The following EXOC4 variants were observed in gnomAD, a reference collection of about 807,000 sequenced individuals.
EXOC4 encodes the protein SEC8-like 1.
Under a neutral mutation model 107.2 loss-of-function variants are expected in EXOC4, and 71 were observed. The ratio of observed to expected loss-of-function variants is 0.66; its 90% confidence interval spans 0.55 to 0.81. EXOC4 has a LOEUF of 0.81. EXOC4 is among the 30% of genes least tolerant of loss of function. EXOC4 has a pLI of 0.00. For synonymous variants in EXOC4, 456 were observed against 441.2 expected, an observed-to-expected ratio of 1.03 and a Z score of -0.42; for missense variants, 1,108 against 1,189.6, an observed-to-expected ratio of 0.93 and a Z score of 1.01.
At chr7:133,719,964 A>G (rs188426279) in intron 10 of EXOC4, among the ~76,000 whole-genome samples, 5 of 152,276 alleles carry the variant, frequency 3.3e-5, no homozygotes, top group Admixed American at 3.3e-4. Flanking sequence ...GTTCAGATTC[A>G]TTGGACCTTA....
intron 9 of EXOC4, among the ~76,000 whole-genome samples, chr7:133,503,288 A>G (rs1471691685): frequency 6.6e-6 from 1 of 152,162 alleles, no homozygotes; most frequent in African/African-American, 2.4e-5. Flanking sequence ...TTTAAAAAAC[A>G]TCTTCATAAG....
intron 11 of EXOC4, among the ~76,000 whole-genome samples, chr7:133,821,653 A>G (rs1797523917): frequency 6.6e-6 from 1 of 152,196 alleles, no homozygotes. Context: ...GGCTCTCCAT[A>G]GTTAGAGAAG....
chr7:133,783,048 G>T (rs1412130393), intron 10 of EXOC4, among the ~76,000 whole-genome samples: 1 of 152,094 alleles, frequency 6.6e-6, no homozygotes, highest in Non-Finnish European at 1.5e-5. Context: ...TCTTTAAAAT[G>T]GGGAAAATGG....
At chr7:133,811,334 A>C (rs1237412991) in intron 10 of EXOC4, among the ~76,000 whole-genome samples, 1 of 152,184 alleles carries the variant, frequency 6.6e-6, no homozygotes, top group Non-Finnish European at 1.5e-5. Context: ...TCATACTTCC[A>C]TAGAGCTAAT....
chr7:133,347,737 ATG>A lies in EXOC4; in HGVS notation c.764-8579_764-8578del, dbSNP rs144171871. 7.3e-5 allele frequency among the ~76,000 whole-genome samples: 11 copies of A among 151,482 alleles called. No homozygotes were observed. The East Asian group carries it at 1.4e-3, about 19-fold the overall frequency. ...CAATATATCCATATCTATACATACA[ATG>A]TGTGTGTGTGTGTAGGGGGCTGTGA... is the stretch of plus-strand genomic sequence containing the variant. On this transcript the variant is annotated intron_variant, in intron 5 of 17. Transcript: ENST00000253861.
At chr7:133,904,137 G>A (rs1799516261) in intron 12 of EXOC4, among the ~76,000 whole-genome samples, 2 of 152,156 alleles carry the variant, frequency 1.3e-5, no homozygotes, top group Admixed American at 1.3e-4. Flanking sequence ...GAGAAATGAG[G>A]TCACAGGAAG....
At chr7:133,818,611 C>A (rs1318751266) in intron 11 of EXOC4, among the ~76,000 whole-genome samples, 1 of 152,162 alleles carries the variant, frequency 6.6e-6, no homozygotes, top group Non-Finnish European at 1.5e-5. Flanking sequence ...TAGCCATGTG[C>A]CTGGTGAGGG....
rs186341983 is a variant in EXOC4 at position 133,761,240 on chromosome 7, A to G, written c.1515-56085A>G. 4.2e-3 allele frequency among the ~76,000 whole-genome samples: 647 copies of G among 152,264 alleles called. 18 individuals are homozygous for G. Among genetic ancestry groups the G allele is most frequent in the South Asian group, 0.024 (114 of 4,824 alleles). On this transcript the variant is annotated intron_variant, in intron 10 of 17. Transcript: ENST00000253861. ...AAGGAGCATTTTTGGAAAAATCCCA[A>G]CAAGTGCATAGAGCGACACAGATGA...
chr7:133,429,232 T>C (rs1250892635), intron 7 of EXOC4, among the ~76,000 whole-genome samples: 1 of 152,152 alleles, frequency 6.6e-6, no homozygotes, highest in Non-Finnish European at 1.5e-5. Flanking sequence ...TGAATCAATC[T>C]TGATGTTTAT....
At chr7:133,992,309 G>T (rs543866087) in intron 14 of EXOC4, among the ~76,000 whole-genome samples, 23 of 151,944 alleles carry the variant, frequency 1.5e-4, no homozygotes, top group African/African-American at 4.1e-4. Context: ...TTGATACAGG[G>T]TCTGACGCTG....
chr7:133,853,195 A>G (rs1369458205), intron 11 of EXOC4, among the ~76,000 whole-genome samples: 2 of 151,988 alleles, frequency 1.3e-5, no homozygotes, highest in Non-Finnish European at 2.9e-5. Flanking sequence ...GAGGGTAACT[A>G]TGTGCTTATT....
chr7:133,618,458 G>A lies in EXOC4; in HGVS notation c.1418-11587G>A, dbSNP rs570488454. Among the ~76,000 whole-genome samples the A allele has an allele frequency of 9.9e-5, 15 of 152,164 alleles. 1 individual carries two copies. Among genetic ancestry groups the A allele is most frequent in the South Asian group, 6.2e-4 (3 of 4,822 alleles). The stretch of plus-strand genomic sequence containing the variant: ...TTCAAAATGTTAATTAACACTTTGT[G>A]CATGTGCTTTATAACAATCAAGACT... On this transcript the variant is annotated intron_variant, in intron 9 of 17. Transcript: ENST00000253861.
intron 7 of EXOC4, among the ~76,000 whole-genome samples, chr7:133,433,611 T>TA (rs1797902688): frequency 6.6e-6 from 1 of 152,210 alleles, no homozygotes; most frequent in Non-Finnish European, 1.5e-5. Context: ...GGTGGTTTGT[T>TA]ACTCAGTATT....
At chr7:134,030,401 T>C (rs562792483) in intron 17 of EXOC4, among the ~76,000 whole-genome samples, 5 of 152,270 alleles carry the variant, frequency 3.3e-5, no homozygotes, top group African/African-American at 1.2e-4. Context: ...GTGGCCATAG[T>C]GGACTTGAAG....
chr7:133,930,441 A>G (rs1293547807), intron 13 of EXOC4: 3 of 152,186 alleles, frequency 2.0e-5, no homozygotes, highest in Non-Finnish European at 4.4e-5. Context: ...TCTACATATC[A>G]TAACTCTGAG....
chr7:133,493,104 A>G (rs1381649891), intron 9 of EXOC4, among the ~76,000 whole-genome samples: 1 of 152,210 alleles, frequency 6.6e-6, no homozygotes, highest in Non-Finnish European at 1.5e-5. Flanking sequence ...TGATGACGAA[A>G]TGAGTTAACA....
chr7:133,495,423 A>G (rs1352547647), intron 9 of EXOC4, among the ~76,000 whole-genome samples: 2 of 152,036 alleles, frequency 1.3e-5, no homozygotes, highest in Admixed American at 1.3e-4. Context: ...GAAGTGTGTA[A>G]TGTGCACTCA....
At chr7:133,418,488 G>A (rs1439227842) in intron 7 of EXOC4, among the ~76,000 whole-genome samples, 1 of 152,206 alleles carries the variant, frequency 6.6e-6, no homozygotes, top group African/African-American at 2.4e-5. Flanking sequence ...AAATTACTAA[G>A]AAGAATGTCT....
At chr7:133,295,983 CG>C (rs923763831) in intron 3 of EXOC4, among the ~76,000 whole-genome samples, 1 of 152,020 alleles carries the variant, frequency 6.6e-6, no homozygotes, top group Admixed American at 6.6e-5. Flanking sequence ...TCCAGTATTC[CG>C]TATGGATTTT....
Sources: gnomAD v4.1 joint callset for allele counts (sites outside exome capture counted in the v4.1 genomes callset) on GRCh38, gnomAD v4.1.1 for gene constraint, MANE v1.5 for transcripts, NCBI Gene and HGNC (gene_info 2026-07-23, HGNC 2026-07-21) for gene names.